PALLD: variants seen among roughly 807,000 people sequenced by gnomAD.
PALLD encodes the protein palladin, cytoskeletal associated protein, also known as palladin.
A neutral mutation model predicts 123.5 loss-of-function variants in PALLD; 61 were observed. The ratio of observed to expected loss-of-function variants is 0.49; its 90% CI spans 0.40 to 0.61. PALLD has a LOEUF of 0.61. Among genes scored for constraint, PALLD ranks in the 20% least tolerant of loss-of-function variants. The pLI is 0.00. For missense variants in PALLD, 1,273 were observed against 1,377.0 expected, an observed-to-expected ratio of 0.92 and a Z score of 1.20; for synonymous variants, 465 against 496.4, an observed-to-expected ratio of 0.94 and a Z score of 0.84.
intron 10 of PALLD, among the ~76,000 whole-genome samples, chr4:168,847,089 A>G (rs1314076607): frequency 6.6e-6 from 1 of 152,210 alleles, no homozygotes; most frequent in Non-Finnish European, 1.5e-5. Context: ...AAAAAAGAAA[A>G]GGATCATCTA....
intron 4 of PALLD, among the ~76,000 whole-genome samples, chr4:168,681,756 C>T (rs1781575969): frequency 6.6e-6 from 1 of 151,826 alleles, no homozygotes; most frequent in Admixed American, 6.6e-5. Context: ...CTGTGTTGTC[C>T]AGGCTCATCT....
intron 10 of PALLD, among the ~76,000 whole-genome samples, chr4:168,832,541 C>G (rs1028882277): frequency 5.3e-5 from 8 of 152,180 alleles, no homozygotes; most frequent in African/African-American, 2.4e-5. Flanking sequence ...TGGCCACGCT[C>G]CCTGAGGGGT....
intron 2 of PALLD, among the ~76,000 whole-genome samples, chr4:168,589,392 C>T (rs1276558208): frequency 1.3e-5 from 2 of 152,078 alleles, no homozygotes; most frequent in African/African-American, 2.4e-5. Flanking sequence ...GGCCCCAATC[C>T]CTCTGAGTCA....
At chr4:168,884,471 T>G (rs535264048) in intron 10 of PALLD, among the ~76,000 whole-genome samples, 88 of 152,334 alleles carry the variant, frequency 5.8e-4, no homozygotes, top group African/African-American at 2.0e-3. Context: ...AGGCCACCAC[T>G]GTAGAGTCAC....
intron 2 of PALLD, among the ~76,000 whole-genome samples, chr4:168,667,383 G>A (rs372044404): frequency 3.9e-5 from 6 of 152,142 alleles, no homozygotes; most frequent in Admixed American, 1.3e-4. Context: ...CCCATTTGGG[G>A]TTTTTTTAGG....
intron 10 of PALLD, among the ~76,000 whole-genome samples, chr4:168,796,890 G>A (rs889992832): frequency 2.6e-5 from 4 of 152,128 alleles, no homozygotes; most frequent in African/African-American, 9.7e-5. Flanking sequence ...TAGCTAGAAG[G>A]AGCAAAGTAC....
intron 2 of PALLD, among the ~76,000 whole-genome samples, chr4:168,641,635 C>T (rs1776958302): frequency 6.6e-6 from 1 of 152,242 alleles, no homozygotes; most frequent in African/African-American, 2.4e-5. Context: ...TAGATATGCT[C>T]TCACCCCTGA....
chr4:168,568,507 G>T (rs543925603), intron 2 of PALLD, among the ~76,000 whole-genome samples: 22 of 152,046 alleles, frequency 1.4e-4, no homozygotes, highest in African/African-American at 4.6e-4. Flanking sequence ...TTCTCTAAAT[G>T]CAAAAAGAAA....
intron 1 of PALLD, among the ~76,000 whole-genome samples, chr4:168,503,267 A>C (rs533901285): frequency 7.7e-4 from 117 of 152,348 alleles, no homozygotes; most frequent in Non-Finnish European, 1.4e-3. Context: ...TTGGAAGAAG[A>C]AGCAAATTAT....
rs142339471 is a variant in PALLD at position 168,879,282 on chromosome 4, A to G, written c.1965-11640A>G. On this transcript the variant is annotated intron_variant, in intron 10 of 21. Coordinates refer to ENST00000505667, the MANE Select transcript of PALLD (RefSeq NM_001166108.2). ...ATAACACCTACAGAAGTACAGTAAAATCCTCAAAAAAATACAGTACAGGTG... is the reference window on the plus strand; with the variant it reads ...ATAACACCTACAGAAGTACAGTAAAGTCCTCAAAAAAATACAGTACAGGTG... Among the ~76,000 whole-genome samples, 519 of 152,304 alleles carry G rather than the reference A, an allele frequency of 3.4e-3. 4 individuals are homozygous for G. Among genetic ancestry groups the G allele is most frequent in the African/African-American group, 0.012 (498 of 41,560 alleles).
chr4:168,865,029 G>A (rs1325650643), intron 10 of PALLD, among the ~76,000 whole-genome samples: 2 of 152,162 alleles, frequency 1.3e-5, no homozygotes, highest in Non-Finnish European at 2.9e-5. Context: ...TATTTTCGTG[G>A]TTTTAGTCAT....
intron 2 of PALLD, among the ~76,000 whole-genome samples, chr4:168,532,649 A>G (rs568975046): frequency 6.6e-6 from 1 of 152,302 alleles, no homozygotes; most frequent in African/African-American, 2.4e-5. Flanking sequence ...CAGAGGATAA[A>G]GCTAACTATC....
intron 2 of PALLD, among the ~76,000 whole-genome samples, chr4:168,552,130 T>C (rs1580273862): frequency 6.6e-6 from 1 of 152,242 alleles, no homozygotes; most frequent in Admixed American, 6.5e-5. Flanking sequence ...GTCTCAGAGA[T>C]GTTAGTTTAA....
At chr4:168,672,338 C>T (rs555071729) in intron 3 of PALLD, among the ~76,000 whole-genome samples, 11 of 152,270 alleles carry the variant, frequency 7.2e-5, no homozygotes, top group Non-Finnish European at 1.5e-4. Context: ...AACATTAGAA[C>T]GTATTCCTCT....
At chr4:168,815,662 G>C (rs899948198) in intron 10 of PALLD, among the ~76,000 whole-genome samples, 5 of 152,206 alleles carry the variant, frequency 3.3e-5, no homozygotes, top group African/African-American at 1.2e-4. Context: ...GATCAAAGTG[G>C]AAACTATAAA....
intron 2 of PALLD, among the ~76,000 whole-genome samples, chr4:168,581,885 T>C (rs1290351633): frequency 6.6e-6 from 1 of 152,158 alleles, no homozygotes; most frequent in African/African-American, 2.4e-5. Context: ...GTTTTACAGT[T>C]TCATGTCTTA....
intron 8 of PALLD, among the ~76,000 whole-genome samples, chr4:168,697,262 A>G (rs958965289): frequency 2.6e-5 from 4 of 152,194 alleles, no homozygotes; most frequent in Admixed American, 1.3e-4. Flanking sequence ...AGATCCCCCA[A>G]ATTTTCCTCT....
At chr4:168,894,869 A>T in intron 12 of PALLD, 192 bp downstream of exon 12, 2 of 812,308 alleles carry the variant, frequency 2.5e-6, no homozygotes, top group African/African-American at 1.7e-5. Flanking sequence ...TGACTGACAG[A>T]ATTCTTTCCA....
intron 15 of PALLD, among the ~76,000 whole-genome samples, chr4:168,906,649 A>G (rs529523876): frequency 2.6e-5 from 4 of 152,132 alleles, no homozygotes; most frequent in Non-Finnish European, 5.9e-5. Flanking sequence ...TTTAGAGACA[A>G]GGTCTTCCTC....
Sources: allele counts gnomAD v4.1 joint callset (sites outside exome capture counted in the v4.1 genomes callset), GRCh38; gene constraint gnomAD v4.1.1; transcripts MANE v1.5; gene names NCBI Gene and HGNC (gene_info 2026-07-23, HGNC 2026-07-21).